The following UNC5D variants were observed in gnomAD, a reference collection of about 807,000 sequenced individuals.
The protein encoded by UNC5D is netrin receptor UNC5D.
UNC5D carries 39 observed loss-of-function variants against 105.4 expected under a neutral mutation model. That is an observed-to-expected ratio of 0.37 (90% CI 0.29 to 0.48). The LOEUF is 0.48. Ranked by LOEUF, UNC5D falls within the 20% of genes least tolerant of loss-of-function variation. UNC5D has a pLI of 0.98. For missense variants in UNC5D, 991 were observed against 1,202.4 expected, an observed-to-expected ratio of 0.82 and a Z score of 2.60; for synonymous variants, 452 against 450.4, an observed-to-expected ratio of 1.00 and a Z score of -0.04.
chr8:35,279,623 C>T (rs966533124), intron 1 of UNC5D, among the ~76,000 whole-genome samples: 1 of 152,178 alleles, frequency 6.6e-6, no homozygotes, highest in South Asian at 2.1e-4. Context: ...GTCTATTACT[C>T]CCATAAACCT....
At chr8:35,479,656 G>A (rs1185668452) in intron 1 of UNC5D, among the ~76,000 whole-genome samples, 1 of 152,088 alleles carries the variant, frequency 6.6e-6, no homozygotes, top group African/African-American at 2.4e-5. Flanking sequence ...GATGTAGCTG[G>A]AGGCCATCAT....
At chr8:35,275,237 C>T (rs1805696456) in intron 1 of UNC5D, among the ~76,000 whole-genome samples, 1 of 151,954 alleles carries the variant, frequency 6.6e-6, no homozygotes, top group East Asian at 1.9e-4. Context: ...CCACATTTCA[C>T]TCCCACCTAT....
At chr8:35,691,495 C>CA (rs1826389670) in intron 7 of UNC5D, among the ~76,000 whole-genome samples, 1 of 152,024 alleles carries the variant, frequency 6.6e-6, no homozygotes, top group South Asian at 2.1e-4. Flanking sequence ...ACTTAAAAAT[C>CA]AAAAAGTAGG....
rs1803097356 is a variant in UNC5D, at chr8:35,792,712, A to T, written c.*2149A>T. 3.9e-6 allele frequency: 1 copy of T among 255,268 alleles called. No individual in the cohort carries two copies. Among genetic ancestry groups the T allele is most frequent in the Non-Finnish European group, 7.6e-6 (1 of 131,058 alleles). 15.8% of individuals were successfully genotyped at this position (255,268 alleles called of 1,614,324 possible). A position where few individuals can be genotyped will look rare whatever the true frequency, so the allele number is the denominator to read the frequency against. On this transcript the variant is annotated 3_prime_UTR_variant, in exon 17 of 17. Coordinates refer to ENST00000404895, the MANE Select transcript of UNC5D (RefSeq NM_080872.4). Reference sequence around the variant, plus strand: ...TTGTAGAAAGCACATTATAGAGCTTATGTTGGAATCCATCTTGGAGGATTT... The same window carrying T: ...TTGTAGAAAGCACATTATAGAGCTTTTGTTGGAATCCATCTTGGAGGATTT...
chr8:35,407,386 C>A (rs1280444222), intron 1 of UNC5D, among the ~76,000 whole-genome samples: 1 of 151,814 alleles, frequency 6.6e-6, no homozygotes, highest in Non-Finnish European at 1.5e-5. Context: ...TGAGGATTAA[C>A]TATTTTTGAT....
At chr8:35,506,480 A>G (rs973264205) in intron 1 of UNC5D, among the ~76,000 whole-genome samples, 12 of 152,240 alleles carry the variant, frequency 7.9e-5, no homozygotes, top group Admixed American at 7.2e-4. Flanking sequence ...AAAAGGAGGA[A>G]GAAATTCAGC....
Position 35,750,611 on chromosome 8 carries a change from A to G in UNC5D, c.1965A>G (p.Thr655=), listed in dbSNP as rs200272368. ...TGATGTCAGTGGAAGATGAATCTAC[A>G]TCCTGTTACTGCCTTTTGGACCCCT... ...EEVMSVEDES[T]SCYCLLDPFA... The change falls in exon 13 of 17, where the codon ACA becomes ACG. Residue 655 remains threonine, a synonymous_variant. Transcript: ENST00000404895. 3 of 1,614,136 alleles carry G rather than the reference A, an allele frequency of 1.9e-6. No individual in the cohort carries two copies. The East Asian group carries it at 6.7e-5, about 36-fold the overall frequency.
At chr8:35,455,679 CA>C (rs925356142) in intron 1 of UNC5D, among the ~76,000 whole-genome samples, 3 of 144,684 alleles carry the variant, frequency 2.1e-5, no homozygotes, top group South Asian at 4.5e-4. Flanking sequence ...AAAAAAAAAA[CA>C]AAAAAAAACA....
chr8:35,365,161 A>G (rs1802042898), intron 1 of UNC5D, among the ~76,000 whole-genome samples: 1 of 152,142 alleles, frequency 6.6e-6, no homozygotes, highest in South Asian at 2.1e-4. Flanking sequence ...CCATCCTTTC[A>G]GCCTCAATCC....
intron 1 of UNC5D, among the ~76,000 whole-genome samples, chr8:35,320,968 T>G (rs1299896048): frequency 6.6e-6 from 1 of 152,182 alleles, no homozygotes; most frequent in Non-Finnish European, 1.5e-5. Flanking sequence ...TCTCCTGATT[T>G]GTCCTTTTTT....
At chr8:35,329,399 TGATATA>T (rs1238584129) in intron 1 of UNC5D, among the ~76,000 whole-genome samples, 1 of 36,818 alleles carries the variant, frequency 2.7e-5, no homozygotes, top group African/African-American at 5.5e-5. Context: ...TTTATTGGGT[TGATATA>T]TATATATATA....
intron 1 of UNC5D, among the ~76,000 whole-genome samples, chr8:35,322,618 A>T (rs1354733941): frequency 6.6e-6 from 1 of 152,208 alleles, no homozygotes; most frequent in Non-Finnish European, 1.5e-5. Context: ...AGAGGATTTA[A>T]TAATGATGTG....
At chr8:35,357,962 T>C (rs1384155606) in intron 1 of UNC5D, among the ~76,000 whole-genome samples, 4 of 152,134 alleles carry the variant, frequency 2.6e-5, no homozygotes, top group Non-Finnish European at 5.9e-5. Flanking sequence ...AAGATTCCCA[T>C]ATGAGTGACT....
chr8:35,709,894 G>A (rs926299659), intron 8 of UNC5D, among the ~76,000 whole-genome samples: 2 of 151,996 alleles, frequency 1.3e-5, no homozygotes, highest in African/African-American at 4.8e-5. Context: ...AATGAGAAGT[G>A]GAGAATAGTA....
At chr8:35,379,136 T>C (rs1221700406) in intron 1 of UNC5D, among the ~76,000 whole-genome samples, 4 of 152,198 alleles carry the variant, frequency 2.6e-5, no homozygotes, top group African/African-American at 4.8e-5. Flanking sequence ...AGAGTGGTGG[T>C]CTCTTGAGCT....
rs1563567159 is a variant in UNC5D at position 35,591,322 on chromosome 8, T to C, written c.467-4232T>C. ...TCTGATACATAAAAAATATAGGAAATAAATTCCATATTCTTGTTCCATTAT... is the reference window on the plus strand; with the variant it reads ...TCTGATACATAAAAAATATAGGAAACAAATTCCATATTCTTGTTCCATTAT... On this transcript the variant is annotated intron_variant, in intron 3 of 16. Transcript: ENST00000404895. Among the ~76,000 whole-genome samples, 5 of 152,220 alleles carry C rather than the reference T, an allele frequency of 3.3e-5. No homozygotes were observed. In the Middle Eastern group the frequency reaches 0.01, roughly 311 times the overall value.
At chr8:35,714,092 G>A (rs1047798460) in intron 8 of UNC5D, among the ~76,000 whole-genome samples, 5 of 152,254 alleles carry the variant, frequency 3.3e-5, no homozygotes, top group Non-Finnish European at 4.4e-5. Context: ...TGGTCCATGT[G>A]GATATCCACT....
intron 1 of UNC5D, among the ~76,000 whole-genome samples, chr8:35,257,309 TC>T (rs896619093): frequency 2.0e-4 from 31 of 152,262 alleles, no homozygotes; most frequent in African/African-American, 7.0e-4. Context: ...TCACAGTTTT[TC>T]CTACTGTGTA....
intron 15 of UNC5D, among the ~76,000 whole-genome samples, chr8:35,773,152 C>A (rs2131735552): frequency 6.6e-6 from 1 of 152,222 alleles, no homozygotes; most frequent in Non-Finnish European, 1.5e-5. Flanking sequence ...GGAAGTGATT[C>A]AATTGGATAT....
Sources: allele counts gnomAD v4.1 joint callset (sites outside exome capture counted in the v4.1 genomes callset), GRCh38; gene constraint gnomAD v4.1.1; transcripts MANE v1.5; gene names NCBI Gene and HGNC (gene_info 2026-07-23, HGNC 2026-07-21).